The following RANBP17 variants were observed in gnomAD, a reference collection of about 807,000 sequenced individuals.
The protein encoded by RANBP17 is ran-binding protein 17.
RANBP17 carries 158 observed loss-of-function variants against 141.2 expected under a neutral mutation model. The observed-to-expected ratio is 1.12, with a 90% CI of 0.98 to 1.28. RANBP17 has a LOEUF of 1.28. RANBP17 is among the 50% of genes most tolerant of loss of function. The pLI is 0.00. For synonymous variants in RANBP17, 430 were observed against 450.0 expected (o/e 0.96, Z 0.56); for missense variants, 1,438 against 1,290.7 (o/e 1.11, Z -1.75).
chr5:171,131,484 TTC>T (rs1756915259), intron 14 of RANBP17, among the ~76,000 whole-genome samples: 1 of 152,224 alleles, frequency 6.6e-6, no homozygotes, highest in Admixed American at 6.5e-5. Flanking sequence ...GCCCATCATG[TTC>T]TAAGATCCAG....
chr5:170,895,462 G>A (rs899339285), intron 4 of RANBP17, among the ~76,000 whole-genome samples: 2 of 152,076 alleles, frequency 1.3e-5, no homozygotes, highest in Non-Finnish European at 2.9e-5. Context: ...TATATAGATA[G>A]TCATGTATTT....
rs191184336 is a variant in RANBP17, at chr5:171,145,744, T to C, written c.1711-24386T>C. Among the ~76,000 whole-genome samples, 48 of 152,314 alleles carry C rather than the reference T, an allele frequency of 3.2e-4. No individual in the cohort carries two copies. The East Asian group carries it at 9.2e-3, about 29-fold the overall frequency. ...CCCAAAGTATATGTCATGTCTCGTCTCCTGGAAGCCGCATAATGGGATCCA... is the reference window on the plus strand; with the variant it reads ...CCCAAAGTATATGTCATGTCTCGTCCCCTGGAAGCCGCATAATGGGATCCA... On this transcript the variant is annotated intron_variant, in intron 14 of 27. Transcript: ENST00000523189.
intron 25 of RANBP17, among the ~76,000 whole-genome samples, chr5:171,290,370 A>G (rs995427628): frequency 6.6e-6 from 1 of 151,072 alleles, no homozygotes; most frequent in African/African-American, 2.4e-5. Context: ...TCCGTCTCAA[A>G]AAAAAAAAAA....
intron 14 of RANBP17, among the ~76,000 whole-genome samples, chr5:171,022,703 G>C (rs116742095): frequency 0.02 from 3,045 of 152,306 alleles, 92 homozygotes; most frequent in African/African-American, 0.068. Context: ...CTCCTGCCCA[G>C]GGAACTTAGC....
intron 14 of RANBP17, among the ~76,000 whole-genome samples, chr5:171,044,124 A>G (rs1176385953): frequency 1.3e-5 from 2 of 152,192 alleles, no homozygotes; most frequent in Non-Finnish European, 2.9e-5. Context: ...CTTAAATATG[A>G]TCTCCTAAAC....
At position 171,080,315 on chromosome 5, in the gene RANBP17, A is replaced by C. The variant is rs112505617; in HGVS notation, c.1711-89815A>C. 4.0e-3 allele frequency among the ~76,000 whole-genome samples: 609 copies of C among 152,186 alleles called. 5 individuals carry two copies. Among genetic ancestry groups the C allele is most frequent in the African/African-American group, 0.014 (593 of 41,514 alleles). On this transcript the variant is annotated intron_variant, in intron 14 of 27. Coordinates refer to ENST00000523189, the MANE Select transcript of RANBP17 (RefSeq NM_022897.5). ...CATGGCCTACTGATTTTAAAATAGG[A>C]AATGACAGTGTAAATGCCAGGATAA...
intron 14 of RANBP17, among the ~76,000 whole-genome samples, chr5:171,106,876 G>A (rs1000443354): frequency 6.6e-6 from 1 of 151,916 alleles, no homozygotes; most frequent in Non-Finnish European, 1.5e-5. Context: ...CATTATGTTT[G>A]TATATGTTTG....
intron 14 of RANBP17, among the ~76,000 whole-genome samples, chr5:171,132,377 G>GTT (rs201206737): frequency 4.9e-5 from 7 of 143,218 alleles, no homozygotes; most frequent in African/African-American, 7.6e-5. Flanking sequence ...GACTTTAGTT[G>GTT]TTTTTTTTTT....
intron 14 of RANBP17, among the ~76,000 whole-genome samples, chr5:171,026,751 A>G (rs866490364): frequency 2.9e-5 from 3 of 103,030 alleles, no homozygotes; most frequent in Non-Finnish European, 4.7e-5. Context: ...GCCATTAACA[A>G]GTTTTGACCC....
intron 22 of RANBP17, among the ~76,000 whole-genome samples, chr5:171,240,191 A>G (rs1163656676): frequency 2.6e-5 from 4 of 152,300 alleles, no homozygotes; most frequent in Non-Finnish European, 5.9e-5. Flanking sequence ...GCCTAGTAAC[A>G]TACTTACTAG....
At chr5:171,153,422 A>T (rs947696831) in intron 14 of RANBP17, among the ~76,000 whole-genome samples, 1 of 152,156 alleles carries the variant, frequency 6.6e-6, no homozygotes, top group Non-Finnish European at 1.5e-5. Context: ...TCTGTTTATT[A>T]TATGCTAAAC....
At chr5:170,998,108 C>G (rs1438194970) in intron 14 of RANBP17, among the ~76,000 whole-genome samples, 1 of 151,550 alleles carries the variant, frequency 6.6e-6, no homozygotes, top group African/African-American at 2.4e-5. Flanking sequence ...AAAAAAAACC[C>G]TTTTTCTGTC....
intron 14 of RANBP17, among the ~76,000 whole-genome samples, chr5:171,064,381 G>A (rs1368252251): frequency 6.6e-6 from 1 of 152,280 alleles, no homozygotes; most frequent in African/African-American, 2.4e-5. Context: ...GACTTTTATT[G>A]TAATTTTAAT....
rs180941233 is a variant in RANBP17 at position 170,885,812 on chromosome 5, T to C, written c.256+3916T>C. 2.0e-5 allele frequency among the ~76,000 whole-genome samples: 3 copies of C among 152,270 alleles called. No homozygotes were observed. The East Asian group carries it at 5.8e-4, about 29-fold the overall frequency. On this transcript the variant is annotated intron_variant, in intron 3 of 27. Transcript: ENST00000523189. ...TTTCATATGAAAACTACCTATTAGG[T>C]TTATTAGATCTTGAATTTCTCCAAG...
intron 14 of RANBP17, among the ~76,000 whole-genome samples, chr5:171,109,246 T>G (rs1283455289): frequency 1.3e-5 from 2 of 152,244 alleles, no homozygotes; most frequent in Admixed American, 1.3e-4. Context: ...ATTTGCCTTT[T>G]TTATGAATTT....
chr5:170,906,043 C>T (rs955534449), intron 5 of RANBP17, among the ~76,000 whole-genome samples: 1 of 151,962 alleles, frequency 6.6e-6, no homozygotes, highest in African/African-American at 2.4e-5. Context: ...CGCTAAGTTG[C>T]TAACATAATT....
At chr5:171,037,920 G>T (rs528807027) in intron 14 of RANBP17, among the ~76,000 whole-genome samples, 1 of 151,938 alleles carries the variant, frequency 6.6e-6, no homozygotes, top group African/African-American at 2.4e-5. Flanking sequence ...TTTCTGTTCT[G>T]TATGAATTTT....
rs138050304 is a variant in RANBP17, at chr5:171,038,676, A to C, written c.1710+70299A>C. 4.1e-3 allele frequency among the ~76,000 whole-genome samples: 619 copies of C among 152,218 alleles called. 5 individuals carry two copies. Among genetic ancestry groups the C allele is most frequent in the African/African-American group, 0.014 (596 of 41,542 alleles). ...CATAATGGTAAGTTGGATTTTATTG[A>C]AAGTTTTTTCCACATCTATTGAGAT... On this transcript the variant is annotated intron_variant, in intron 14 of 27. Coordinates refer to ENST00000523189, the MANE Select transcript of RANBP17 (RefSeq NM_022897.5).
intron 12 of RANBP17, among the ~76,000 whole-genome samples, chr5:170,928,165 A>G (rs563057871): frequency 2.6e-5 from 4 of 152,158 alleles, no homozygotes; most frequent in African/African-American, 9.6e-5. Flanking sequence ...TATTTTGTGA[A>G]AAGTCTGTTG....
Sources: allele counts gnomAD v4.1 joint callset (sites outside exome capture counted in the v4.1 genomes callset), GRCh38; gene constraint gnomAD v4.1.1; transcripts MANE v1.5; gene names NCBI Gene and HGNC (gene_info 2026-07-23, HGNC 2026-07-21).